Variants in BCL6 observed in about 807,000 individuals in gnomAD.
BCL6 encodes B-cell lymphoma 6 protein.
A neutral mutation model predicts 59.5 loss-of-function variants in BCL6; 7 were observed. That is an observed-to-expected ratio of 0.12 (90% CI 0.07 to 0.22). The LOEUF is 0.22. Among genes scored for constraint, BCL6 ranks in the 10% least tolerant of loss-of-function variants. The probability of loss-of-function intolerance (pLI) is 1.00; values close to 1 mark genes in which losing one functional copy is unlikely to be tolerated. For synonymous variants in BCL6, 339 were observed against 349.7 expected (o/e 0.97, Z 0.34); for missense variants, 685 against 939.4 (o/e 0.73, Z 3.54).
Position 187,731,849 on chromosome 3 carries a change from C to G in BCL6, c.243G>C (p.Glu81Asp). Residue 81 changes from glutamate (E) to aspartate (D), a missense_variant, in exon 4 of 10, where the codon GAG becomes GAC. Physicochemically the swap from Glu to Asp is conservative, Grantham distance 45. Transcript: ENST00000406870. ...TGAAGTCCAGGAGGATGCAGAATCC[C>G]TCAGGGTTGATCTCAGGATCTAGAT... is the stretch of plus-strand genomic sequence containing the variant. Reference protein sequence around the residue: ...VINLDPEINPEGFCILLDFMY... With the variant: ...VINLDPEINPDGFCILLDFMY... The G allele has an allele frequency of 6.2e-7, 1 of 1,614,192 alleles. No individual in the cohort carries two copies.
chr3:187,743,458 C>A (rs965834271), intron 1 of BCL6, among the ~76,000 whole-genome samples: 1 of 151,920 alleles, frequency 6.6e-6, no homozygotes, highest in African/African-American at 2.4e-5. Context: ...CTGTCAGGAC[C>A]CCCCACCCCC....
In BCL6 at chr3:187,722,609, G is replaced by A. The variant is rs746231205; in HGVS notation, c.1978-8C>T. ...CAGGTTACACTTCTCACACTGCAGG[G>A]ATATCAGAGGCAAACTGTTAGCTGT... is the stretch of plus-strand genomic sequence containing the variant. On this transcript the variant is annotated splice_region_variant and splice_polypyrimidine_tract_variant and intron_variant, in intron 9 of 9. Transcript: ENST00000406870. The A allele has an allele frequency of 1.9e-6, 3 of 1,610,970 alleles. No homozygotes were observed. Among genetic ancestry groups the A allele is most frequent in the Non-Finnish European group, 1.7e-6 (2 of 1,178,426 alleles).
chr3:187,744,578 A>T (rs191618849), intron 1 of BCL6, among the ~76,000 whole-genome samples: 2 of 152,274 alleles, frequency 1.3e-5, no homozygotes, highest in Admixed American at 6.5e-5. Context: ...TTATGACCAA[A>T]AAAACAAAAA....
chr3:187,733,038 G>A (rs1049747139), intron 3 of BCL6, among the ~76,000 whole-genome samples: 3 of 152,142 alleles, frequency 2.0e-5, no homozygotes, highest in Non-Finnish European at 2.9e-5. Flanking sequence ...CTGAAAACTC[G>A]AAATACTTGA....
rs1718440562 is a variant in BCL6 at position 187,722,017 on chromosome 3, A to AT, written c.*440_*441insA. On this transcript the variant is annotated 3_prime_UTR_variant, in exon 10 of 10. Coordinates refer to ENST00000406870, the MANE Select transcript of BCL6 (RefSeq NM_001706.5). Reference sequence around the variant, plus strand: ...GCCATATATTCCTTCACCTTTGGTTAAAAAAATTAAAGCCCTCTCTTTGAC... The same window carrying AT: ...GCCATATATTCCTTCACCTTTGGTTATAAAAAATTAAAGCCCTCTCTTTGAC... 1.9e-5 allele frequency: 4 copies of AT among 215,920 alleles called. No individual in the cohort carries two copies. Among genetic ancestry groups the AT allele is most frequent in the Non-Finnish European group, 2.8e-5 (3 of 107,948 alleles). 13.4% of individuals were successfully genotyped at this position (215,920 alleles called of 1,614,324 possible).
chr3:187,733,424 C>A, intron 3 of BCL6, 109 bp downstream of exon 3: 2 of 1,313,992 alleles, frequency 1.5e-6, no homozygotes, highest in Non-Finnish European at 2.1e-6. Context: ...GGAGACAAAG[C>A]GAGACGTCAT....
intron 4 of BCL6, among the ~76,000 whole-genome samples, chr3:187,730,555 A>G (rs569119888): frequency 2.0e-5 from 3 of 152,250 alleles, no homozygotes; most frequent in South Asian, 4.1e-4. Flanking sequence ...GAAAGTTTAC[A>G]TAAAGAACAG....
chr3:187,726,017 C>T (rs1166155574), intron 7 of BCL6, among the ~76,000 whole-genome samples: 1 of 152,210 alleles, frequency 6.6e-6, no homozygotes, highest in Non-Finnish European at 1.5e-5. Flanking sequence ...TCTCTGGAAC[C>T]TGAGGGGCTA....
intron 1 of BCL6, among the ~76,000 whole-genome samples, chr3:187,745,125 A>G (rs1023249911): frequency 1.3e-5 from 2 of 152,222 alleles, no homozygotes; most frequent in South Asian, 2.1e-4. Flanking sequence ...GACAACAATA[A>G]TAATAATAAA....
chr3:187,732,813 C>T (rs915622572), intron 3 of BCL6, among the ~76,000 whole-genome samples: 3 of 152,190 alleles, frequency 2.0e-5, no homozygotes, highest in African/African-American at 7.2e-5. Context: ...TTTATATCTC[C>T]ATAAGCCTCT....
At chr3:187,738,878 T>C (rs1719412219) in intron 1 of BCL6, among the ~76,000 whole-genome samples, 2 of 152,184 alleles carry the variant, frequency 1.3e-5, no homozygotes, top group South Asian at 4.1e-4. Context: ...TGGGATTTAA[T>C]AAGGGGTAGG....
intron 3 of BCL6, chr3:187,732,236 T>C (rs1423506680): frequency 2.4e-6 from 1 of 411,280 alleles, no homozygotes; most frequent in Non-Finnish European, 4.6e-6. Context: ...GTTTTCCTTT[T>C]AGTCTTAACT....
intron 9 of BCL6, 33 bp downstream of exon 9, chr3:187,724,908 A>C (rs946034649): frequency 1.9e-6 from 3 of 1,583,538 alleles, no homozygotes; most frequent in African/African-American, 1.4e-5. Flanking sequence ...ACATCCCCGC[A>C]GGTCAGAGAG....
chr3:187,745,050 C>A (rs1424306274), intron 1 of BCL6, among the ~76,000 whole-genome samples: 1 of 152,032 alleles, frequency 6.6e-6, no homozygotes, highest in East Asian at 1.9e-4. Context: ...CACCTCCTTT[C>A]CAAAAACCAA....
chr3:187,744,403 T>A (rs533863135), intron 1 of BCL6, among the ~76,000 whole-genome samples: 1 of 148,570 alleles, frequency 6.7e-6, no homozygotes, highest in African/African-American at 2.5e-5. Flanking sequence ...GGTTCCCGAC[T>A]CCCTCGACTA....
At chr3:187,738,606 C>T (rs1560157202) in intron 1 of BCL6, among the ~76,000 whole-genome samples, 2 of 152,210 alleles carry the variant, frequency 1.3e-5, no homozygotes, top group African/African-American at 4.8e-5. Flanking sequence ...GAATTATAAC[C>T]CCCGGGTGCC....
chr3:187,729,417 T>A lies in BCL6; in HGVS notation c.988A>T (p.Ser330Cys). The change falls in exon 5 of 10, where the codon AGT becomes TGT. Residue 330 changes from serine (S) to cysteine (C), a missense_variant. Physicochemically the swap from Ser to Cys is moderately radical, Grantham distance 112. Transcript: ENST00000406870. This position sits in a 1 kb window ranked among gnomAD's most constrained non-coding sequence, Gnocchi z 5.6. ...NAPLNRKGLV[S>C]PQSPQKSDCQ... The stretch of plus-strand genomic sequence containing the variant: ...TCAGATTTCTGGGGGCTCTGTGGAC[T>A]AACCAGACCCTTCCGGTTCAGGGGT... The A allele has an allele frequency of 1.9e-6, 3 of 1,611,076 alleles. No homozygotes were observed. Among genetic ancestry groups the A allele is most frequent in the Non-Finnish European group, 8.5e-7 (1 of 1,178,328 alleles).
At chr3:187,742,663 G>A (rs917314346) in intron 1 of BCL6, among the ~76,000 whole-genome samples, 4 of 152,002 alleles carry the variant, frequency 2.6e-5, no homozygotes, top group Non-Finnish European at 5.9e-5. Flanking sequence ...CGGGCGGGGC[G>A]GGGAGGTGGA....
intron 3 of BCL6, among the ~76,000 whole-genome samples, chr3:187,733,080 C>A (rs1039767148): frequency 2.0e-5 from 3 of 152,208 alleles, no homozygotes; most frequent in African/African-American, 7.2e-5. Flanking sequence ...TTCACTCTCA[C>A]TAACTCTTGC....
Sources: allele counts gnomAD v4.1 joint callset (sites outside exome capture counted in the v4.1 genomes callset), GRCh38; gene constraint gnomAD v4.1.1; non-coding constraint Gnocchi (gnomAD v3.1); transcripts MANE v1.5; gene names NCBI Gene and HGNC (gene_info 2026-07-23, HGNC 2026-07-21).